The following ALK variants were observed in gnomAD, a reference collection of about 807,000 sequenced individuals.
ALK encodes the protein ALK tyrosine kinase receptor.
ALK carries 74 observed loss-of-function variants against 163.1 expected under a neutral mutation model. The observed-to-expected ratio is 0.45, with a 90% CI of 0.38 to 0.55. The LOEUF is 0.55. Ranked by LOEUF, ALK falls within the 20% of genes least tolerant of loss-of-function variation. The probability of loss-of-function intolerance (pLI) is 0.00; values close to 1 mark genes in which losing one functional copy is unlikely to be tolerated. For synonymous variants in ALK, 960 were observed against 843.2 expected, an observed-to-expected ratio of 1.14 and a Z score of -2.40; for missense variants, 2,063 against 2,105.3, an observed-to-expected ratio of 0.98 and a Z score of 0.39.
At chr2:29,825,284 T>C (rs1665166128) in intron 1 of ALK, among the ~76,000 whole-genome samples, 1 of 152,256 alleles carries the variant, frequency 6.6e-6, no homozygotes, top group Non-Finnish European at 1.5e-5. Flanking sequence ...TCTCTTCATC[T>C]GTCCATCCAT....
intron 5 of ALK, among the ~76,000 whole-genome samples, chr2:29,337,527 C>G (rs74827880): frequency 6.6e-6 from 1 of 152,292 alleles, no homozygotes; most frequent in East Asian, 1.9e-4. Context: ...ATCAGAACCA[C>G]GCAGGAGCTT....
chr2:29,260,649 C>T (rs968956936), intron 11 of ALK, among the ~76,000 whole-genome samples: 5 of 151,980 alleles, frequency 3.3e-5, no homozygotes, highest in Non-Finnish European at 7.4e-5. Flanking sequence ...CCAGACTGGC[C>T]AACGTGGTAA....
At chr2:29,221,636 T>G (rs1196049261) in intron 22 of ALK, among the ~76,000 whole-genome samples, 1 of 152,212 alleles carries the variant, frequency 6.6e-6, no homozygotes, top group Non-Finnish European at 1.5e-5. Context: ...TGTCCTCCTG[T>G]GGTTCCAGAC....
chr2:29,636,309 G>A (rs1013267840), intron 3 of ALK, among the ~76,000 whole-genome samples: 1 of 149,586 alleles, frequency 6.7e-6, no homozygotes, highest in Admixed American at 6.7e-5. Flanking sequence ...TGGAGCAATT[G>A]GACATCCAGA....
intron 1 of ALK, among the ~76,000 whole-genome samples, chr2:29,841,720 G>A (rs762409130): frequency 4.6e-5 from 7 of 152,110 alleles, no homozygotes; most frequent in Non-Finnish European, 7.4e-5. Flanking sequence ...AAATTGAAAC[G>A]GGCAGAATTG....
chr2:29,862,154 C>T (rs910715656), intron 1 of ALK, among the ~76,000 whole-genome samples: 1 of 152,082 alleles, frequency 6.6e-6, no homozygotes, highest in African/African-American at 2.4e-5. Context: ...ATAACAAGCC[C>T]ATAGCCAATA....
chr2:29,726,299 C>A (rs1297510110), intron 1 of ALK, among the ~76,000 whole-genome samples: 1 of 152,072 alleles, frequency 6.6e-6, no homozygotes, highest in South Asian at 2.1e-4. Context: ...TTTTCTCCCC[C>A]CAAAATATGT....
At position 29,383,767 on chromosome 2, in the gene ALK, G is replaced by T. The variant is rs772529363; in HGVS notation, c.1247C>A (p.Ala416Glu). The change falls in exon 5 of 29, where the codon GCA becomes GAA. Residue 416 changes from alanine (A) to glutamate (E), a missense_variant. By Grantham distance (107) the Ala-to-Glu change is moderately radical. Around this residue, in one of 5 missense-constraint regions of ALK, gnomAD observed 987 missense variants for 939.5 expected, o/e 1.05. Transcript: ENST00000389048. ...GTTCTTCAGGGCAAAGAAGTCCACT[G>T]CAGACAAGCTGCGGTTTCCACTGGA... is the stretch of plus-strand genomic sequence containing the variant. The part of the protein sequence containing the change: ...YISSGNRSLS[A>E]VDFFALKNCS... 6.2e-7 allele frequency: 1 copy of T among 1,614,144 alleles called. No homozygotes were observed. Among genetic ancestry groups the T allele is most frequent in the Non-Finnish European group, 8.5e-7 (1 of 1,180,000 alleles).
chr2:29,430,103 G>A (rs1670238086), intron 4 of ALK, among the ~76,000 whole-genome samples: 1 of 152,180 alleles, frequency 6.6e-6, no homozygotes, highest in African/African-American at 2.4e-5. Context: ...CTCTTAGAAG[G>A]AAATATAGGA....
intron 3 of ALK, among the ~76,000 whole-genome samples, chr2:29,637,235 G>C (rs557593720): frequency 6.6e-6 from 1 of 152,084 alleles, no homozygotes; most frequent in Non-Finnish European, 1.5e-5. Flanking sequence ...TCCATACCAT[G>C]GAATATCACT....
intron 1 of ALK, among the ~76,000 whole-genome samples, chr2:29,870,024 A>G (rs1307744996): frequency 6.6e-6 from 1 of 152,228 alleles, no homozygotes; most frequent in Admixed American, 6.5e-5. Context: ...AATGATAATA[A>G]TGGTGTATTG....
chr2:29,200,900 G>A (rs1353838900), intron 26 of ALK, among the ~76,000 whole-genome samples: 4 of 128,538 alleles, frequency 3.1e-5, no homozygotes, highest in Admixed American at 8.6e-5. Context: ...ACTTTCTTTT[G>A]GTATTAAACT....
At chr2:29,513,051 T>G (rs1157651282) in intron 4 of ALK, among the ~76,000 whole-genome samples, 1 of 151,406 alleles carries the variant, frequency 6.6e-6, no homozygotes, top group Non-Finnish European at 1.5e-5. Flanking sequence ...GAAGAATCAA[T>G]ATCGTGAAAA....
chr2:29,711,281 C>T (rs968915413), intron 2 of ALK, among the ~76,000 whole-genome samples: 2 of 152,172 alleles, frequency 1.3e-5, no homozygotes, highest in Non-Finnish European at 2.9e-5. Context: ...ACATGCATCC[C>T]TTTTGTCCAG....
In ALK at chr2:29,694,859, T is replaced by A; in HGVS notation, c.943A>T (p.Met315Leu). 1 of 1,613,796 alleles carries A rather than the reference T, an allele frequency of 6.2e-7. No homozygotes were observed. Among genetic ancestry groups the A allele is most frequent in the Non-Finnish European group, 8.5e-7 (1 of 1,179,936 alleles). ...DGPGAERSKE[M>L]PRGSFLLLNT... Reference sequence around the variant, plus strand: ...GCAGCCTCTCCCTTACCTCTGGGCATCTCCTTAGAACGCTCTGCCCCAGGC... The same window carrying A: ...GCAGCCTCTCCCTTACCTCTGGGCAACTCCTTAGAACGCTCTGCCCCAGGC... The change falls in exon 3 of 29, where the codon ATG becomes TTG. Residue 315 changes from methionine to leucine, a missense_variant. By Grantham distance (15) the Met-to-Leu change is conservative. This residue lies in a region of ALK where 987 missense variants were observed against 939.5 expected (regional missense o/e 1.05). Transcript: ENST00000389048.
intron 1 of ALK, among the ~76,000 whole-genome samples, chr2:29,816,831 A>G (rs1392517597): frequency 1.3e-5 from 2 of 152,196 alleles, no homozygotes; most frequent in South Asian, 2.1e-4. Context: ...TGTATGGTCT[A>G]TGAGGGGCTA....
intron 3 of ALK, among the ~76,000 whole-genome samples, chr2:29,562,813 G>A (rs10193521): frequency 0.18 from 27,647 of 152,172 alleles, 3,072 homozygotes; most frequent in African/African-American, 0.29. Context: ...AAGTGCTCCA[G>A]TGACCAAAGT....
chr2:29,413,677 A>G, intron 4 of ALK, among the ~76,000 whole-genome samples: 1 of 151,950 alleles, frequency 6.6e-6, no homozygotes, highest in East Asian at 1.9e-4. Flanking sequence ...GACTACAGGC[A>G]CCCTCCACCA....
At chr2:29,859,219 T>C (rs1197638706) in intron 1 of ALK, among the ~76,000 whole-genome samples, 1 of 152,180 alleles carries the variant, frequency 6.6e-6, no homozygotes, top group Non-Finnish European at 1.5e-5. Context: ...AGGAACCCTC[T>C]CTAGGTGACA....
Sources: gnomAD v4.1 joint callset for allele counts (sites outside exome capture counted in the v4.1 genomes callset) on GRCh38, gnomAD v4.1.1 for gene constraint, gnomAD v4.1.1 regional missense constraint, MANE v1.5 for transcripts, NCBI Gene and HGNC (gene_info 2026-07-23, HGNC 2026-07-21) for gene names.